NME9: variants seen among roughly 807,000 people sequenced by gnomAD.
The protein encoded by NME9 is NME/NM23 family member 9, also known as thioredoxin domain-containing protein 6.
Under a neutral mutation model 44.4 loss-of-function variants are expected in NME9, and 48 were observed. The observed-to-expected ratio is 1.08, with a 90% CI of 0.86 to 1.37. NME9 has a LOEUF of 1.37. Among genes scored for constraint, NME9 ranks in the 40% most tolerant of loss-of-function variants. The pLI is 0.00. For synonymous variants in NME9, 139 were observed against 147.1 expected (o/e 0.94, Z 0.40); for missense variants, 325 against 405.2 (o/e 0.80, Z 1.70).
In NME9 at chr3:138,329,811, A is replaced by C; in HGVS notation, c.-476T>G. Reference sequence around the variant, plus strand: ...CAAGATCTTCGACGCGCCCGGAGTCACCAACCGAGTCTGCCGCGACCTAGC... The same window carrying C: ...CAAGATCTTCGACGCGCCCGGAGTCCCCAACCGAGTCTGCCGCGACCTAGC... On this transcript the variant is annotated 5_prime_UTR_variant, in exon 1 of 11. Transcript: ENST00000333911. 1 of 986,798 alleles carries C rather than the reference A, an allele frequency of 1.0e-6. No individual in the cohort carries two copies. Among genetic ancestry groups the C allele is most frequent in the Non-Finnish European group, 1.2e-6 (1 of 830,904 alleles). 61.1% of individuals were successfully genotyped at this position (986,798 alleles called of 1,614,324 possible). A position where few individuals can be genotyped will look rare whatever the true frequency, so the allele number is the denominator to read the frequency against.
chr3:138,298,988 C>T (rs1018230026), downstream of NME9, among the ~76,000 whole-genome samples: 1 of 152,124 alleles, frequency 6.6e-6, no homozygotes, highest in Non-Finnish European at 1.5e-5. Flanking sequence ...CAAGCAGGCC[C>T]CTGTTTCCCA....
At chr3:138,304,722 T>C (rs1177461355) in intron 9 of NME9, 151 bp downstream of exon 9, 3 of 763,618 alleles carry the variant, frequency 3.9e-6, no homozygotes, top group Admixed American at 5.0e-5. Flanking sequence ...AGCGGGAAGA[T>C]GTCAGGGTCT....
intron 10 of NME9, among the ~76,000 whole-genome samples, chr3:138,302,534 G>A (rs2051919455): frequency 6.6e-6 from 1 of 152,178 alleles, no homozygotes; most frequent in African/African-American, 2.4e-5. Flanking sequence ...TGGAGTGTCA[G>A]TGGGTCTCTG....
chr3:138,268,982 T>C (rs1266753504), intron 8 of NME9, among the ~76,000 whole-genome samples: 1 of 152,180 alleles, frequency 6.6e-6, no homozygotes, highest in African/African-American at 2.4e-5. Flanking sequence ...TTAGGAAATA[T>C]ACATTGAAAT....
At position 138,327,898 on chromosome 3, in the gene NME9, A is replaced by G. The variant is rs566064316; in HGVS notation, c.33+1405T>C. Among the ~76,000 whole-genome samples the G allele has an allele frequency of 3.9e-5, 6 of 152,328 alleles. No individual in the cohort carries two copies. The East Asian group carries it at 1.2e-3, about 29-fold the overall frequency. ...ACCCCCATAGGAGCTCTAGGGCATC[A>G]ACACATGAAATGACCATAATATGGG... On this transcript the variant is annotated intron_variant, in intron 1 of 10. Coordinates refer to ENST00000333911, the MANE Select transcript of NME9 (RefSeq NM_001349018.2).
chr3:138,314,423 C>A lies in NME9; in HGVS notation c.385-16G>T. ...CATCTTTAATCTAGTACAAATTGGT[C>A]ATTAAAAGAAAGTAGTTAGCTAATT... On this transcript the variant is annotated splice_polypyrimidine_tract_variant and intron_variant, in intron 5 of 10. Transcript: ENST00000333911. The A allele has an allele frequency of 1.9e-6, 3 of 1,544,318 alleles. No homozygotes were observed. In the South Asian group the frequency reaches 3.5e-5, roughly 18 times the overall value.
intron 8 of NME9, among the ~76,000 whole-genome samples, chr3:138,286,007 C>T (rs1577023428): frequency 2.0e-5 from 3 of 152,246 alleles, no homozygotes; most frequent in South Asian, 2.1e-4. Flanking sequence ...TGCAGTGACG[C>T]GATCTTGGCT....
intron 8 of NME9, among the ~76,000 whole-genome samples, chr3:138,284,257 T>G (rs549575989): frequency 4.7e-4 from 72 of 152,304 alleles, no homozygotes; most frequent in Non-Finnish European, 8.4e-4. Flanking sequence ...AGATTTTGTT[T>G]GGGTGTGGTT....
chr3:138,286,543 A>G (rs2050434236), intron 8 of NME9, among the ~76,000 whole-genome samples: 1 of 152,100 alleles, frequency 6.6e-6, no homozygotes, highest in African/African-American at 2.4e-5. Context: ...CTTCTCTTCT[A>G]CACGTGCTCT....
intron 2 of NME9, 132 bp downstream of exon 2, chr3:138,324,735 CACACAT>C (rs1425276774): frequency 1.2e-5 from 7 of 569,024 alleles, no homozygotes; most frequent in Admixed American, 2.7e-5. Flanking sequence ...CACACACACA[CACACAT>C]CACCTGGTTT....
chr3:138,325,031 T>C, intron 1 of NME9, 101 bp from the exon 2 acceptor site: 1 of 924,962 alleles, frequency 1.1e-6, no homozygotes, highest in Non-Finnish European at 1.7e-6. Flanking sequence ...TCTGAAATAC[T>C]TACAAGTACA....
At chr3:138,285,518 C>G (rs1254880884) in intron 8 of NME9, among the ~76,000 whole-genome samples, 1 of 152,224 alleles carries the variant, frequency 6.6e-6, no homozygotes, top group East Asian at 1.9e-4. Flanking sequence ...ACTGGCTTCT[C>G]TGCCTGGAAC....
At chr3:138,322,337 C>CA (rs1481218138) in intron 2 of NME9, among the ~76,000 whole-genome samples, 1 of 112,934 alleles carries the variant, frequency 8.9e-6, no homozygotes, top group African/African-American at 3.5e-5. Context: ...GTGGTAGGCA[C>CA]AAAGGCACCT....
chr3:138,281,650 A>T (rs2049939876), intron 8 of NME9, among the ~76,000 whole-genome samples: 1 of 152,106 alleles, frequency 6.6e-6, no homozygotes. Flanking sequence ...GAGGGGTTTT[A>T]TGAGCTTCAA....
intron 8 of NME9, 153 bp downstream of exon 8, chr3:138,305,851 T>C (rs1459502070): frequency 7.7e-6 from 5 of 650,066 alleles, no homozygotes; most frequent in South Asian, 1.9e-5. Flanking sequence ...ATACAGCCTA[T>C]TGTCATTCTG....
intron 8 of NME9, chr3:138,267,293 C>T (rs1017699024): frequency 3.6e-6 from 4 of 1,125,126 alleles, no homozygotes; most frequent in Non-Finnish European, 5.0e-6. Flanking sequence ...CTAGAGCTTA[C>T]TCAAATACTT....
chr3:138,283,233 G>A (rs1157434121), intron 8 of NME9, among the ~76,000 whole-genome samples: 1 of 152,168 alleles, frequency 6.6e-6, no homozygotes, highest in Non-Finnish European at 1.5e-5. Context: ...CACGCTTTAG[G>A]ATATTTTGGG....
At chr3:138,283,776 T>A (rs2108355969) in intron 8 of NME9, among the ~76,000 whole-genome samples, 1 of 152,382 alleles carries the variant, frequency 6.6e-6, no homozygotes, top group Middle Eastern at 3.4e-3. Context: ...CAAGGTGTAC[T>A]GTCCTTCCAG....
intron 8 of NME9, among the ~76,000 whole-genome samples, chr3:138,280,227 G>C (rs2049749567): frequency 6.6e-6 from 1 of 151,826 alleles, no homozygotes; most frequent in Non-Finnish European, 1.5e-5. Context: ...TTCCTGTTCA[G>C]TCTGACCAGA....
Sources: gnomAD v4.1 joint callset for allele counts (sites outside exome capture counted in the v4.1 genomes callset) on GRCh38, gnomAD v4.1.1 for gene constraint, MANE v1.5 for transcripts, NCBI Gene and HGNC (gene_info 2026-07-23, HGNC 2026-07-21) for gene names.